Variants in CYP2C19 observed in about 807,000 individuals in gnomAD.
CYP2C19 encodes cytochrome P450 2C19.
Under a neutral mutation model 40.9 loss-of-function variants are expected in CYP2C19, and 59 were observed. That is an observed-to-expected ratio of 1.44 (90% confidence interval 1.17 to 1.79). CYP2C19 has a LOEUF of 1.79. CYP2C19 is among the 40% of genes most tolerant of loss of function. CYP2C19 has a pLI of 0.00. For missense variants in CYP2C19, 754 were observed against 596.9 expected (o/e 1.26, Z -2.74); for synonymous variants, 253 against 208.7 (o/e 1.21, Z -1.83).
intron 5 of CYP2C19, among the ~76,000 whole-genome samples, chr10:94,784,122 G>A (rs191442080): frequency 2.0e-5 from 3 of 152,184 alleles, no homozygotes; most frequent in East Asian, 3.9e-4. Flanking sequence ...ATGGGTTTGC[G>A]TGTTATGGAT....
intron 4 of CYP2C19, 41 bp downstream of exon 4, chr10:94,780,700 T>A: frequency 6.2e-7 from 1 of 1,608,358 alleles, no homozygotes. Context: ...CCACTTACAG[T>A]CTTTTTTTCT....
chr10:94,772,947 A>T (rs1429815704), intron 1 of CYP2C19, among the ~76,000 whole-genome samples: 1 of 152,046 alleles, frequency 6.6e-6, no homozygotes, highest in East Asian at 1.9e-4. Flanking sequence ...GCGCCCGGCT[A>T]ATTTTTTGTA....
At chr10:94,845,913 G>A (rs945697581) in intron 7 of CYP2C19, among the ~76,000 whole-genome samples, 1 of 151,930 alleles carries the variant, frequency 6.6e-6, no homozygotes, top group Non-Finnish European at 1.5e-5. Context: ...ACATATGGCA[G>A]TGTGTATATA....
Position 94,763,003 on chromosome 10 carries a change from T to C in CYP2C19, c.168+130T>C, listed in dbSNP as rs1357727311. The C allele has an allele frequency of 4.1e-6, 4 of 971,736 alleles. No individual in the cohort carries two copies. The Admixed American group carries it at 8.6e-5, about 21-fold the overall frequency. The allele number at this position is 971,736 out of a possible 1,614,324, so 60.2% of individuals were successfully genotyped here. A position where few individuals can be genotyped will look rare whatever the true frequency, so the allele number is the denominator to read the frequency against. ...AGTAAAATACTTTGAAAGGCTTTTG[T>C]TGCCTTTTCCAGTCTGTCAGTGTCA... is the stretch of plus-strand genomic sequence containing the variant. On this transcript the variant is annotated intron_variant, in intron 1 of 8. Transcript: ENST00000371321.
At chr10:94,841,237 G>C (rs529869321) in intron 6 of CYP2C19, among the ~76,000 whole-genome samples, 10 of 152,322 alleles carry the variant, frequency 6.6e-5, no homozygotes, top group Non-Finnish European at 2.9e-5. Flanking sequence ...TAGTGTTCAG[G>C]TTGATTAGGA....
Position 94,852,852 on chromosome 10 carries a change from C to G in CYP2C19, c.1411C>G (p.Pro471Ala). The change falls in exon 9 of 9, where the codon CCT becomes GCT. Residue 471 changes from proline (P) to alanine (A), a missense_variant. By Grantham distance (27) the Pro-to-Ala change is conservative (BLOSUM62 -1). Coordinates refer to ENST00000371321, the MANE Select transcript of CYP2C19 (RefSeq NM_000769.4). ...TGACCCAAAGGACCTTGACACAACT[C>G]CTGTTGTCAATGGATTTGCTTCTGT... ...LIDPKDLDTT[P>A]VVNGFASVPP... The G allele has an allele frequency of 6.2e-7, 1 of 1,614,054 alleles. No individual in the cohort carries two copies. The highest frequency in any genetic ancestry group is 8.5e-7 in the Non-Finnish European group (1 of 1,179,968).
chr10:94,781,808 TG>T lies in CYP2C19; in HGVS notation c.643-12del. 1 of 1,345,130 alleles carries T rather than the reference TG, an allele frequency of 7.4e-7. No homozygotes were observed. The allele number at this position is 1,345,130 out of a possible 1,614,324, so 83.3% of individuals were successfully genotyped here. ...AAATGCTTTTAATTTAATAAATTAT[TG>T]TTTTCTCTTAGATATGCAATAATTT... On this transcript the variant is annotated splice_polypyrimidine_tract_variant and intron_variant, in intron 4 of 8. Coordinates refer to ENST00000371321, the MANE Select transcript of CYP2C19 (RefSeq NM_000769.4).
intron 5 of CYP2C19, among the ~76,000 whole-genome samples, chr10:94,812,983 T>C (rs1472246372): frequency 1.3e-5 from 2 of 151,646 alleles, no homozygotes; most frequent in African/African-American, 4.9e-5. Context: ...TGCTGTTTTT[T>C]TTTTCTCATA....
chr10:94,827,532 G>A (rs11188087), intron 6 of CYP2C19, among the ~76,000 whole-genome samples: 69,061 of 151,746 alleles, frequency 0.46, 17,047 homozygotes, highest in Admixed American at 0.6. Flanking sequence ...TTTTTATTGC[G>A]TCTATTTGAT....
intron 5 of CYP2C19, among the ~76,000 whole-genome samples, chr10:94,784,266 A>G (rs756436379): frequency 2.6e-5 from 4 of 151,980 alleles, no homozygotes; most frequent in Admixed American, 6.6e-5. Context: ...TTTATTTTCT[A>G]TGCACATTTA....
At chr10:94,793,258 A>G (rs373225040) in intron 5 of CYP2C19, among the ~76,000 whole-genome samples, 107 of 152,232 alleles carry the variant, frequency 7.0e-4, no homozygotes, top group African/African-American at 2.6e-3. Context: ...CATTCGTCTA[A>G]TCTTTTTTCA....
rs185066427 is a variant in CYP2C19, at chr10:94,826,590, C to A, written c.961+5953C>A. Among the ~76,000 whole-genome samples, 240 of 152,306 alleles carry A rather than the reference C, an allele frequency of 1.6e-3. 1 individual carries two copies. The highest frequency in any genetic ancestry group is 2.7e-3 in the Non-Finnish European group (187 of 68,022). On this transcript the variant is annotated intron_variant, in intron 6 of 8. Coordinates refer to ENST00000371321, the MANE Select transcript of CYP2C19 (RefSeq NM_000769.4). ...TGATGGGGTTTTCTAGATATACAAT[C>A]ATGTCATCTGTAAACAGAGACAATT...
chr10:94,847,980 C>G lies in CYP2C19; in HGVS notation c.1150-1937C>G, dbSNP rs529131742. On this transcript the variant is annotated intron_variant, in intron 7 of 8. Coordinates refer to ENST00000371321, the MANE Select transcript of CYP2C19 (RefSeq NM_000769.4). ...TCATTGTAGATTCTGGATATTAGCC[C>G]TTCGTCAGATGAGTAGATTGCAAAA... Among the ~76,000 whole-genome samples the G allele has an allele frequency of 4.1e-3, 622 of 152,208 alleles. 1 individual carries two copies. Among genetic ancestry groups the G allele is most frequent in the Non-Finnish European group, 7.1e-3 (485 of 68,032 alleles).
At chr10:94,846,909 G>A (rs187343052) in intron 7 of CYP2C19, among the ~76,000 whole-genome samples, 3 of 151,794 alleles carry the variant, frequency 2.0e-5, no homozygotes, top group Admixed American at 6.6e-5. Flanking sequence ...AAACTACATG[G>A]CAATGACAAA....
intron 6 of CYP2C19, among the ~76,000 whole-genome samples, chr10:94,836,635 C>T (rs569113607): frequency 4.6e-5 from 7 of 152,186 alleles, no homozygotes; most frequent in African/African-American, 1.2e-4. Flanking sequence ...CTCTTAGTTG[C>T]TTTATGGTTT....
chr10:94,839,198 A>G (rs919677312), intron 6 of CYP2C19, among the ~76,000 whole-genome samples: 2 of 152,062 alleles, frequency 1.3e-5, no homozygotes, highest in East Asian at 1.9e-4. Flanking sequence ...GCAGTCCTGC[A>G]TCTGTTTTTC....
intron 5 of CYP2C19, among the ~76,000 whole-genome samples, chr10:94,806,601 C>T (rs1260398668): frequency 1.3e-5 from 2 of 148,544 alleles, no homozygotes; most frequent in Non-Finnish European, 3.0e-5. Flanking sequence ...ATTAGATTTA[C>T]TTATTATTTA....
intron 6 of CYP2C19, among the ~76,000 whole-genome samples, chr10:94,821,826 C>T (rs1364143716): frequency 6.6e-6 from 1 of 151,488 alleles, no homozygotes; most frequent in Non-Finnish European, 1.5e-5. Flanking sequence ...GGTAAAAATA[C>T]AGATTTGTTA....
In CYP2C19 at chr10:94,843,169, G is replaced by T. The variant is rs566228481; in HGVS notation, c.1149+145G>T. The T allele has an allele frequency of 1.2e-5, 12 of 984,700 alleles. No homozygotes were observed. The South Asian group carries it at 1.5e-4, about 12-fold the overall frequency. 61.0% of individuals were successfully genotyped at this position (984,700 alleles called of 1,614,324 possible). On this transcript the variant is annotated intron_variant, in intron 7 of 8. Transcript: ENST00000371321. ...TTAATTGGACTTTCTGTTGATTCCA[G>T]TTTGGGACTATAAAGATTTGTAACA...
Sources: allele counts gnomAD v4.1 joint callset (sites outside exome capture counted in the v4.1 genomes callset), GRCh38; gene constraint gnomAD v4.1.1; transcripts MANE v1.5; gene names NCBI Gene and HGNC (gene_info 2026-07-23, HGNC 2026-07-21).